NKAIN2: variants seen among roughly 807,000 people sequenced by gnomAD.
The protein encoded by NKAIN2 is sodium/potassium transporting ATPase interacting 2.
Under a neutral mutation model 32.6 loss-of-function variants are expected in NKAIN2, and 14 were observed. That is an observed-to-expected ratio of 0.43 (90% CI 0.28 to 0.67). The LOEUF (loss-of-function observed/expected upper bound fraction) is 0.67. NKAIN2 is among the 30% of genes least tolerant of loss of function. The pLI is 0.17. For synonymous variants in NKAIN2, 80 were observed against 87.2 expected, an observed-to-expected ratio of 0.92 and a Z score of 0.46; for missense variants, 198 against 258.3, an observed-to-expected ratio of 0.77 and a Z score of 1.60.
intron 3 of NKAIN2, among the ~76,000 whole-genome samples, chr6:124,489,043 A>C (rs1014593432): frequency 6.6e-6 from 1 of 151,986 alleles, no homozygotes; most frequent in Non-Finnish European, 1.5e-5. Context: ...AATTCTTGAA[A>C]GTTAGAGCTA....
chr6:124,183,726 C>A (rs2114554394), intron 1 of NKAIN2, among the ~76,000 whole-genome samples: 1 of 152,254 alleles, frequency 6.6e-6, no homozygotes, highest in Non-Finnish European at 1.5e-5. Flanking sequence ...TAGGAAATCT[C>A]ATGCCCTGCA....
At chr6:124,603,960 G>A (rs1261712545) in intron 3 of NKAIN2, among the ~76,000 whole-genome samples, 1 of 152,022 alleles carries the variant, frequency 6.6e-6, no homozygotes, top group African/African-American at 2.4e-5. Flanking sequence ...GACTGTCTCA[G>A]CTATTTGGGT....
intron 1 of NKAIN2, among the ~76,000 whole-genome samples, chr6:124,225,666 T>G (rs1792066810): frequency 6.6e-6 from 1 of 151,972 alleles, no homozygotes; most frequent in Admixed American, 6.6e-5. Flanking sequence ...TATAAATATA[T>G]AAAAATATGA....
chr6:124,032,009 C>T (rs1254635007), intron 1 of NKAIN2, among the ~76,000 whole-genome samples: 5 of 151,790 alleles, frequency 3.3e-5, no homozygotes, highest in Non-Finnish European at 7.4e-5. Flanking sequence ...GACTTGGAAC[C>T]AACTCAAATG....
At chr6:124,040,915 G>A (rs994835847) in intron 1 of NKAIN2, among the ~76,000 whole-genome samples, 1 of 152,072 alleles carries the variant, frequency 6.6e-6, no homozygotes, top group Non-Finnish European at 1.5e-5. Context: ...AGTTCATAGA[G>A]TTCAATGAGT....
intron 5 of NKAIN2, among the ~76,000 whole-genome samples, chr6:124,796,061 G>A (rs1397264444): frequency 3.9e-5 from 6 of 152,066 alleles, no homozygotes; most frequent in African/African-American, 1.4e-4. Flanking sequence ...AGACTCACAG[G>A]GTGCCACTGC....
chr6:124,369,419 T>C (rs1159677853), intron 3 of NKAIN2, among the ~76,000 whole-genome samples: 1 of 152,170 alleles, frequency 6.6e-6, no homozygotes, highest in Non-Finnish European at 1.5e-5. Flanking sequence ...TCCTATTAAG[T>C]GGCCCCTTAG....
At chr6:123,963,506 T>C (rs1341539623) in intron 1 of NKAIN2, among the ~76,000 whole-genome samples, 1 of 152,160 alleles carries the variant, frequency 6.6e-6, no homozygotes, top group Non-Finnish European at 1.5e-5. Context: ...TGTGTGACCT[T>C]AGGCAAGTTG....
chr6:124,020,984 C>T (rs1290930100), intron 1 of NKAIN2, among the ~76,000 whole-genome samples: 2 of 151,990 alleles, frequency 1.3e-5, no homozygotes, highest in Admixed American at 6.6e-5. Flanking sequence ...GAAAGAGAAA[C>T]AAGACTATGG....
chr6:124,132,555 A>C (rs1359761459), intron 1 of NKAIN2, among the ~76,000 whole-genome samples: 1 of 152,218 alleles, frequency 6.6e-6, no homozygotes, highest in Non-Finnish European at 1.5e-5. Flanking sequence ...GGAAAGAGAA[A>C]ACAACAGTTA....
chr6:124,480,426 G>A (rs561139580), intron 3 of NKAIN2, among the ~76,000 whole-genome samples: 6 of 152,240 alleles, frequency 3.9e-5, no homozygotes, highest in African/African-American at 1.4e-4. Flanking sequence ...GAAATGACAT[G>A]AGTGAGACGT....
At chr6:124,574,338 T>C (rs4896441) in intron 3 of NKAIN2, among the ~76,000 whole-genome samples, 68,439 of 151,086 alleles carry the variant, frequency 0.45, 17,900 homozygotes, top group Non-Finnish European at 0.57. Context: ...ACCAGTGAGG[T>C]TGGGCACAGT....
intron 3 of NKAIN2, among the ~76,000 whole-genome samples, chr6:124,570,034 G>A (rs1226410509): frequency 5.9e-5 from 9 of 152,164 alleles, no homozygotes; most frequent in Non-Finnish European, 1.2e-4. Flanking sequence ...GAACTGGAGC[G>A]AAGGTGACTC....
At chr6:123,818,102 T>A (rs1773771752) in intron 1 of NKAIN2, among the ~76,000 whole-genome samples, 1 of 152,176 alleles carries the variant, frequency 6.6e-6, no homozygotes, top group Non-Finnish European at 1.5e-5. Context: ...AATATTCTGT[T>A]AAAATATGCA....
chr6:124,501,544 T>G (rs1014698051), intron 3 of NKAIN2, among the ~76,000 whole-genome samples: 5 of 152,210 alleles, frequency 3.3e-5, no homozygotes, highest in African/African-American at 1.2e-4. Context: ...AGCCCCTAAC[T>G]GTTCCAATGT....
intron 1 of NKAIN2, among the ~76,000 whole-genome samples, chr6:124,237,122 AACTCTGACAATACCG>A (rs1447636489): frequency 6.6e-6 from 1 of 152,184 alleles, no homozygotes; most frequent in African/African-American, 2.4e-5. Context: ...CAAATGTGTG[AACTCTGACAATACCG>A]ACATCAGAAA....
chr6:124,549,622 G>A (rs992678942), intron 3 of NKAIN2, among the ~76,000 whole-genome samples: 8 of 152,220 alleles, frequency 5.3e-5, no homozygotes, highest in East Asian at 1.9e-4. Flanking sequence ...CCCACATCTC[G>A]TTTAGTTGTC....
intron 1 of NKAIN2, among the ~76,000 whole-genome samples, chr6:124,094,039 G>A (rs189121115): frequency 4.2e-4 from 64 of 152,238 alleles, no homozygotes; most frequent in African/African-American, 1.3e-3. Flanking sequence ...TCACTGTGGC[G>A]TCTGAACAGA....
At chr6:124,170,424 T>G (rs1376605653) in intron 1 of NKAIN2, among the ~76,000 whole-genome samples, 2 of 152,284 alleles carry the variant, frequency 1.3e-5, no homozygotes, top group East Asian at 3.9e-4. Flanking sequence ...AACCTGAATT[T>G]CTCTCTGCTA....
Sources: gnomAD v4.1 joint callset for allele counts (sites outside exome capture counted in the v4.1 genomes callset) on GRCh38, gnomAD v4.1.1 for gene constraint, MANE v1.5 for transcripts, NCBI Gene and HGNC (gene_info 2026-07-23, HGNC 2026-07-21) for gene names.